Variants in TACC2 observed in about 807,000 individuals in gnomAD.
TACC2 encodes the protein transforming acidic coiled-coil-containing protein 2.
Under a neutral mutation model 227.3 loss-of-function variants are expected in TACC2, and 137 were observed. That is an observed-to-expected ratio of 0.60 (90% CI 0.52 to 0.69). TACC2 has a LOEUF of 0.69. Ranked by LOEUF, TACC2 falls within the 30% of genes least tolerant of loss-of-function variation. The probability of loss-of-function intolerance (pLI) is 0.00; values close to 1 mark genes in which losing one functional copy is unlikely to be tolerated. For synonymous variants in TACC2, 1,523 were observed against 1,487.5 expected (o/e 1.02, Z -0.55); for missense variants, 3,470 against 3,694.4 (o/e 0.94, Z 1.57).
intron 5 of TACC2, among the ~76,000 whole-genome samples, chr10:122,110,068 T>C (rs2083404345): frequency 6.6e-6 from 1 of 152,188 alleles, no homozygotes; most frequent in Non-Finnish European, 1.5e-5. Context: ...CCAGAAACCC[T>C]AGGACTCTGC....
At position 122,087,338 on chromosome 10, in the gene TACC2, A is replaced by T. The variant is rs200211980; in HGVS notation, c.4838A>T (p.Asp1613Val). 36 of 1,614,070 alleles carry T rather than the reference A, an allele frequency of 2.2e-5. No homozygotes were observed. The East Asian group carries it at 7.1e-4, about 32-fold the overall frequency. Residue 1613 changes from aspartate to valine, a missense_variant, in exon 4 of 23, where the codon GAT becomes GTT. Around this residue, in one of 10 missense-constraint regions of TACC2, gnomAD observed 1,924 missense variants for 1,978.3 expected, o/e 0.97. Transcript: ENST00000369005. ...TSACDSPHGEDGPGDFAHTGV... is the reference protein window; with the variant it reads ...TSACDSPHGEVGPGDFAHTGV... ...GCCTGCGACAGTCCACATGGAGAAG[A>T]TGGTCCCGGGGACTTTGCTCACACA... is the stretch of plus-strand genomic sequence containing the variant.
chr10:121,992,261 C>A (rs1303717050), intron 1 of TACC2, among the ~76,000 whole-genome samples: 2 of 152,136 alleles, frequency 1.3e-5, no homozygotes, highest in African/African-American at 4.8e-5. Flanking sequence ...CCAGGCTGTT[C>A]TTTTGGAAGA....
At chr10:122,207,559 C>T (rs2095162951) in intron 8 of TACC2, among the ~76,000 whole-genome samples, 1 of 152,176 alleles carries the variant, frequency 6.6e-6, no homozygotes, top group African/African-American at 2.4e-5. Flanking sequence ...TGGTAAGCAT[C>T]CTACAGGGCA....
chr10:122,070,004 G>A (rs570997366), intron 3 of TACC2, among the ~76,000 whole-genome samples: 1 of 152,118 alleles, frequency 6.6e-6, no homozygotes, highest in African/African-American at 2.4e-5. Context: ...CCAGCTTGGC[G>A]CCCAGTAATG....
chr10:122,017,210 C>T (rs947736474), intron 1 of TACC2, among the ~76,000 whole-genome samples: 5 of 152,226 alleles, frequency 3.3e-5, no homozygotes, highest in East Asian at 1.9e-4. Context: ...TCGTGTGGGC[C>T]GCAGAGTTGA....
At chr10:122,073,405 C>T (rs1185300375) in intron 3 of TACC2, among the ~76,000 whole-genome samples, 1 of 152,060 alleles carries the variant, frequency 6.6e-6, no homozygotes, top group African/African-American at 2.4e-5. Context: ...GAGCAGTTCA[C>T]ATCTTCCTGG....
intron 21 of TACC2, 120 bp downstream of exon 21, chr10:122,249,276 G>A (rs140146660): frequency 2.6e-6 from 2 of 775,542 alleles, no homozygotes; most frequent in East Asian, 2.7e-5. Context: ...TCATCCAAGT[G>A]TGTGTTTCAA....
chr10:122,135,482 G>C (rs957413312), intron 6 of TACC2, among the ~76,000 whole-genome samples: 2 of 152,178 alleles, frequency 1.3e-5, no homozygotes, highest in Admixed American at 6.5e-5. Flanking sequence ...AAACCTGGGG[G>C]AGTATTTGAC....
At chr10:122,099,719 T>G (rs940136149) in intron 5 of TACC2, among the ~76,000 whole-genome samples, 1 of 152,170 alleles carries the variant, frequency 6.6e-6, no homozygotes, top group Non-Finnish European at 1.5e-5. Context: ...GGCTACAGCT[T>G]AACTCAGCTT....
At chr10:122,248,468 TTCTGTTAGAGACAG>T (rs2096179020) in intron 19 of TACC2, 161 bp from the exon 20 acceptor site, 1 of 714,402 alleles carries the variant, frequency 1.4e-6, no homozygotes, top group Non-Finnish European at 2.3e-6. Context: ...CTGGTTTTTG[TTCTGTTAGAGACAG>T]TCTGGGAGGG....
At position 122,227,865 on chromosome 10, in the gene TACC2, G is replaced by T. The variant is rs969334372; in HGVS notation, c.7753G>T (p.Val2585Leu). 1 of 1,614,174 alleles carries T rather than the reference G, an allele frequency of 6.2e-7. No individual in the cohort carries two copies. The highest frequency in any genetic ancestry group is 8.5e-7 in the Non-Finnish European group (1 of 1,180,016). ...AAGTTTTGAAGAGACTGAAGCCCTT[G>T]TGAACACTGCTGCGAAAAACCAGCA... ...GSSFEETEAL[V>L]NTAAKNQHPV... The change falls in exon 14 of 23, where the codon GTG becomes TTG. Residue 2585 changes from valine to leucine, a missense_variant. Physicochemically the swap from Val to Leu is conservative, Grantham distance 32. Around this residue, in one of 10 missense-constraint regions of TACC2, gnomAD observed 345 missense variants for 354.4 expected, o/e 0.97. Transcript: ENST00000369005.
intron 16 of TACC2, 92 bp from the exon 17 acceptor site, chr10:122,237,303 C>T: frequency 1.6e-6 from 2 of 1,247,804 alleles, no homozygotes; most frequent in South Asian, 1.6e-5. Flanking sequence ...CAAAACCATA[C>T]AATTGGCCCA....
chr10:122,093,313 C>T (rs779213640), intron 5 of TACC2, among the ~76,000 whole-genome samples: 5 of 152,304 alleles, frequency 3.3e-5, no homozygotes, highest in Admixed American at 2.0e-4. Context: ...GAAAGCCTCA[C>T]TGGAGCCGCT....
intron 5 of TACC2, among the ~76,000 whole-genome samples, chr10:122,091,855 G>A (rs987548999): frequency 2.6e-5 from 4 of 152,170 alleles, no homozygotes; most frequent in Admixed American, 2.0e-4. Flanking sequence ...CTGTGGTGGC[G>A]ATGAATTTCA....
chr10:122,054,475 G>A (rs530828211), intron 3 of TACC2, among the ~76,000 whole-genome samples: 18 of 152,310 alleles, frequency 1.2e-4, no homozygotes, highest in Admixed American at 3.9e-4. Flanking sequence ...ATCAACCAGG[G>A]ACTGAGCAGC....
chr10:122,116,884 G>A (rs1344683850), intron 5 of TACC2, among the ~76,000 whole-genome samples: 1 of 151,532 alleles, frequency 6.6e-6, no homozygotes, highest in Non-Finnish European at 1.5e-5. Context: ...ACCTTGCTTT[G>A]CCACTCTCCT....
chr10:122,163,402 G>C (rs1592780305), intron 7 of TACC2: 1 of 235,780 alleles, frequency 4.2e-6, no homozygotes, highest in African/African-American at 2.3e-5. Context: ...GCCGCGGCTC[G>C]TTTGCATTTC....
At chr10:122,075,255 G>T (rs1021667340) in intron 3 of TACC2, among the ~76,000 whole-genome samples, 3 of 151,454 alleles carry the variant, frequency 2.0e-5, no homozygotes, top group Non-Finnish European at 4.4e-5. Flanking sequence ...GCTGCAGGAT[G>T]CCAAAACCGG....
At chr10:122,149,961 C>T (rs958670517) in intron 7 of TACC2, among the ~76,000 whole-genome samples, 6 of 152,216 alleles carry the variant, frequency 3.9e-5, no homozygotes, top group African/African-American at 7.2e-5. Context: ...TTGATGGGTC[C>T]CCTGGTTCCC....
Sources: gnomAD v4.1 joint callset for allele counts (sites outside exome capture counted in the v4.1 genomes callset) on GRCh38, gnomAD v4.1.1 for gene constraint, gnomAD v4.1.1 regional missense constraint, MANE v1.5 for transcripts, NCBI Gene and HGNC (gene_info 2026-07-23, HGNC 2026-07-21) for gene names.